The following EBPL variants were observed in gnomAD, a reference collection of about 807,000 sequenced individuals.
EBPL encodes the protein emopamil-binding protein-like.
EBPL carries 20 observed loss-of-function variants against 19.0 expected under a neutral mutation model. The ratio of observed to expected loss-of-function variants is 1.05; its 90% CI spans 0.74 to 1.53. The LOEUF is 1.53. Among genes scored for constraint, EBPL ranks in the 40% most tolerant of loss-of-function variants. EBPL has a pLI of 0.00. For missense variants in EBPL, 219 were observed against 261.1 expected (o/e 0.84, Z 1.11); for synonymous variants, 107 against 117.0 (o/e 0.91, Z 0.55).
intron 1 of EBPL, among the ~76,000 whole-genome samples, chr13:49,671,783 CCT>C (rs1338427304): frequency 1.3e-5 from 2 of 152,324 alleles, no homozygotes; most frequent in South Asian, 2.1e-4. Flanking sequence ...CCACTGGCGA[CCT>C]CTTTCACTGG....
At chr13:49,666,131 C>T (rs1005084763) in intron 2 of EBPL, among the ~76,000 whole-genome samples, 5 of 152,230 alleles carry the variant, frequency 3.3e-5, no homozygotes, top group South Asian at 2.1e-4. Context: ...GCAGGGGCCA[C>T]GCAGGCAGGC....
chr13:49,672,814 C>T (rs1953832485), intron 1 of EBPL, among the ~76,000 whole-genome samples: 1 of 152,150 alleles, frequency 6.6e-6, no homozygotes, highest in Non-Finnish European at 1.5e-5. Context: ...AATCCCAGCA[C>T]TTTGGGAGGC....
At chr13:49,688,391 A>T (rs1954021694) in intron 1 of EBPL, among the ~76,000 whole-genome samples, 1 of 152,144 alleles carries the variant, frequency 6.6e-6, no homozygotes, top group Non-Finnish European at 1.5e-5. Context: ...ATTTGATGGC[A>T]GCCAAAAAAC....
chr13:49,664,985 G>A (rs545977125), intron 2 of EBPL, among the ~76,000 whole-genome samples: 1 of 151,754 alleles, frequency 6.6e-6, no homozygotes, highest in Non-Finnish European at 1.5e-5. Context: ...ATATTGAAAC[G>A]TTTCTCCTCT....
At chr13:49,661,391 T>C (rs555716863) in intron 3 of EBPL, among the ~76,000 whole-genome samples, 183 bp from the exon 4 acceptor site, 28 of 152,322 alleles carry the variant, frequency 1.8e-4, no homozygotes, top group African/African-American at 6.7e-4. Context: ...TAATGAAGGC[T>C]CATTCTTTCC....
At chr13:49,661,865 C>G (rs1345929349) in intron 3 of EBPL, 1 of 1,550,364 alleles carries the variant, frequency 6.5e-7, no homozygotes, top group East Asian at 2.4e-5. Flanking sequence ...GCTGTGCCTA[C>G]TTGAAATTGT....
intron 3 of EBPL, chr13:49,661,873 T>C (rs1234288154): frequency 6.4e-7 from 1 of 1,550,452 alleles, no homozygotes; most frequent in Non-Finnish European, 8.7e-7. Context: ...TACTTGAAAT[T>C]GTTTTAGGGA....
At chr13:49,675,605 T>A (rs1018878910) in intron 1 of EBPL, among the ~76,000 whole-genome samples, 1 of 152,258 alleles carries the variant, frequency 6.6e-6, no homozygotes, top group Non-Finnish European at 1.5e-5. Context: ...TGGACATTTA[T>A]GTTGTTTCCA....
chr13:49,662,523 C>T (rs1965165561), intron 3 of EBPL, among the ~76,000 whole-genome samples: 3 of 152,204 alleles, frequency 2.0e-5, no homozygotes, highest in Admixed American at 2.0e-4. Flanking sequence ...CTTGCCTCTA[C>T]AGAGTCTAGG....
intron 1 of EBPL, among the ~76,000 whole-genome samples, chr13:49,690,978 AG>A (rs1954056717): frequency 1.3e-5 from 2 of 152,182 alleles, no homozygotes; most frequent in Admixed American, 1.3e-4. Context: ...GAGGAAGCTG[AG>A]GTATCTTCTA....
intron 1 of EBPL, among the ~76,000 whole-genome samples, chr13:49,671,132 T>C (rs1953811325): frequency 6.6e-6 from 1 of 152,112 alleles, no homozygotes; most frequent in South Asian, 2.1e-4. Context: ...GCAAATGAAG[T>C]ATCCTTTGTT....
intron 1 of EBPL, among the ~76,000 whole-genome samples, chr13:49,684,182 T>C (rs1005544963): frequency 2.0e-5 from 3 of 152,096 alleles, no homozygotes; most frequent in Non-Finnish European, 2.9e-5. Flanking sequence ...TATACTACGA[T>C]TGCAAGGGTG....
chr13:49,661,307 C>A lies in EBPL; in HGVS notation c.381-99G>T, dbSNP rs1188270815. ...CTGTAATGGCGGCATCAACAGTCTT[C>A]GCTATGAAAACCGTCCTAAGTTGGG... On this transcript the variant is annotated intron_variant, in intron 3 of 3. Coordinates refer to ENST00000242827, the MANE Select transcript of EBPL (RefSeq NM_032565.5). 4.0e-6 allele frequency: 4 copies of A among 1,004,714 alleles called. No homozygotes were observed. In the South Asian group the frequency reaches 6.2e-5, roughly 16 times the overall value. 62.2% of individuals were successfully genotyped at this position (1,004,714 alleles called of 1,614,324 possible). A position where few individuals can be genotyped will look rare whatever the true frequency, so the allele number is the denominator to read the frequency against.
At chr13:49,685,082 G>A (rs533251253) in intron 1 of EBPL, among the ~76,000 whole-genome samples, 10 of 152,068 alleles carry the variant, frequency 6.6e-5, no homozygotes, top group African/African-American at 1.7e-4. Context: ...ATTTTTGTAC[G>A]CACCTGGTCA....
intron 1 of EBPL, among the ~76,000 whole-genome samples, chr13:49,681,819 A>T (rs1953946175): frequency 6.6e-6 from 1 of 152,248 alleles, no homozygotes; most frequent in African/African-American, 2.4e-5. Flanking sequence ...ATTTGAATGT[A>T]TCTGTTTTTT....
chr13:49,690,664 G>T (rs752603316), intron 1 of EBPL, among the ~76,000 whole-genome samples: 2 of 152,198 alleles, frequency 1.3e-5, no homozygotes, highest in Non-Finnish European at 2.9e-5. Flanking sequence ...AATCATGCCA[G>T]CTGTGTGGCA....
chr13:49,679,586 C>G (rs1953920244), intron 1 of EBPL, among the ~76,000 whole-genome samples: 1 of 152,226 alleles, frequency 6.6e-6, no homozygotes, highest in Admixed American at 6.5e-5. Context: ...TGCAGCCTCT[C>G]AGACTCCTGG....
At chr13:49,673,790 G>A (rs746295647) in intron 1 of EBPL, among the ~76,000 whole-genome samples, 1 of 152,166 alleles carries the variant, frequency 6.6e-6, no homozygotes, top group East Asian at 1.9e-4. Flanking sequence ...TAGAAATGGA[G>A]GACATTGTTA....
At chr13:49,686,334 C>T (rs562758246) in intron 1 of EBPL, 13 of 926,874 alleles carry the variant, frequency 1.4e-5, no homozygotes, top group South Asian at 1.8e-5. Context: ...GCTCTTCCTC[C>T]GCCCACCACC....
Sources: allele counts gnomAD v4.1 joint callset (sites outside exome capture counted in the v4.1 genomes callset), GRCh38; gene constraint gnomAD v4.1.1; transcripts MANE v1.5; gene names NCBI Gene and HGNC (gene_info 2026-07-23, HGNC 2026-07-21).